The following GRIK2 variants were observed in gnomAD, a reference collection of about 807,000 sequenced individuals.
GRIK2 encodes glutamate receptor ionotropic, kainate 2.
A neutral mutation model predicts 100.3 loss-of-function variants in GRIK2; 32 were observed. The observed-to-expected ratio is 0.32, with a 90% CI of 0.24 to 0.43. The LOEUF is 0.43. GRIK2 is among the 20% of genes least tolerant of loss of function. GRIK2 has a pLI of 1.00. For missense variants in GRIK2, 843 were observed against 1,114.9 expected, an observed-to-expected ratio of 0.76 and a Z score of 3.47; for synonymous variants, 417 against 389.4, an observed-to-expected ratio of 1.07 and a Z score of -0.83.
chr6:102,011,746 G>A (rs1274616483), intron 14 of GRIK2, among the ~76,000 whole-genome samples: 1 of 151,442 alleles, frequency 6.6e-6, no homozygotes, highest in East Asian at 1.9e-4. Context: ...CACCACGCCC[G>A]GCTAATTTTT....
intron 9 of GRIK2, among the ~76,000 whole-genome samples, chr6:101,804,952 T>A (rs4840196): frequency 0.24 from 35,875 of 151,818 alleles, 5,418 homozygotes; most frequent in East Asian, 0.69. Flanking sequence ...TAGAATAGTT[T>A]ACAGCTCAAG....
At chr6:101,514,415 C>T (rs1200533565) in intron 2 of GRIK2, among the ~76,000 whole-genome samples, 7 of 151,942 alleles carry the variant, frequency 4.6e-5, no homozygotes, top group African/African-American at 1.4e-4. Flanking sequence ...GAGGCTCCCC[C>T]ATATGGAGAC....
At position 101,682,560 on chromosome 6, in the gene GRIK2, C is replaced by A; in HGVS notation, c.731C>A (p.Ala244Asp). The A allele has an allele frequency of 1.5e-6, 2 of 1,316,100 alleles. No homozygotes were observed. Among genetic ancestry groups the A allele is most frequent in the Admixed American group, 1.8e-5 (1 of 56,098 alleles). 81.5% of individuals were successfully genotyped at this position (1,316,100 alleles called of 1,614,324 possible). ...ATTTTTTTTTTTCCTTAGGCATTAGCTATGGGAATGATGACAGAATACTAT... is the reference window on the plus strand; with the variant it reads ...ATTTTTTTTTTTCCTTAGGCATTAGATATGGGAATGATGACAGAATACTAT... ...MAAGILKQAL[A>D]MGMMTEYYHY... Residue 244 changes from alanine (A) to aspartate (D), a missense_variant, in exon 6 of 17, where the codon GCT becomes GAT. Physicochemically the swap from Ala to Asp is moderately radical, Grantham distance 126. This residue lies in a region of GRIK2 where 519 missense variants were observed against 643.8 expected (regional missense o/e 0.81). Transcript: ENST00000369134.
At chr6:102,006,706 C>T (rs913843625) in intron 14 of GRIK2, among the ~76,000 whole-genome samples, 1 of 151,184 alleles carries the variant, frequency 6.6e-6, no homozygotes, top group Non-Finnish European at 1.5e-5. Context: ...CCTTATTAAG[C>T]CCCTTGACCC....
chr6:101,636,755 G>C (rs766723961), intron 4 of GRIK2, among the ~76,000 whole-genome samples: 19 of 151,402 alleles, frequency 1.3e-4, no homozygotes, highest in Admixed American at 3.3e-4. Flanking sequence ...TTGCATTTTG[G>C]GGGGGCGGGG....
At chr6:101,939,705 C>T (rs1467882735) in intron 14 of GRIK2, among the ~76,000 whole-genome samples, 2 of 152,050 alleles carry the variant, frequency 1.3e-5, no homozygotes, top group South Asian at 2.1e-4. Context: ...AAATCAACAT[C>T]GTGGGACTTT....
intron 14 of GRIK2, among the ~76,000 whole-genome samples, chr6:102,026,754 C>G (rs1433298588): frequency 6.6e-6 from 1 of 151,250 alleles, no homozygotes; most frequent in South Asian, 2.1e-4. Context: ...CATTGTCCTT[C>G]CCTTCAAATA....
intron 7 of GRIK2, among the ~76,000 whole-genome samples, chr6:101,794,958 C>T (rs367702942): frequency 7.9e-4 from 120 of 151,806 alleles, no homozygotes; most frequent in African/African-American, 2.4e-3. Context: ...TTCTGCCTCC[C>T]GGGTTCAAGC....
intron 7 of GRIK2, among the ~76,000 whole-genome samples, chr6:101,705,761 TAAG>T (rs914752828): frequency 6.6e-6 from 1 of 151,950 alleles, no homozygotes; most frequent in African/African-American, 2.4e-5. Flanking sequence ...TTAAGTGTGA[TAAG>T]AATATTTTGC....
At chr6:101,834,997 T>C (rs1005011687) in intron 10 of GRIK2, among the ~76,000 whole-genome samples, 2 of 152,150 alleles carry the variant, frequency 1.3e-5, no homozygotes, top group Admixed American at 6.5e-5. Flanking sequence ...AGTGAGACCC[T>C]GTCTCTAAAT....
chr6:101,975,833 A>ATCTATCTATCTATCTATCTATCTT (rs1793344593), intron 14 of GRIK2, among the ~76,000 whole-genome samples: 1 of 151,454 alleles, frequency 6.6e-6, no homozygotes, highest in African/African-American at 2.4e-5. Flanking sequence ...CTATCTATCT[A>ATCTATCTATCTATCTATCTATCTT]TCTATCTATC....
intron 2 of GRIK2, among the ~76,000 whole-genome samples, chr6:101,616,598 A>T (rs1351475606): frequency 6.6e-6 from 1 of 151,788 alleles, no homozygotes; most frequent in Non-Finnish European, 1.5e-5. Flanking sequence ...TTGTGTTCTT[A>T]TAAATAAAGA....
At chr6:101,757,210 A>G (rs1262393298) in intron 7 of GRIK2, among the ~76,000 whole-genome samples, 1 of 152,172 alleles carries the variant, frequency 6.6e-6, no homozygotes, top group Non-Finnish European at 1.5e-5. Flanking sequence ...TTATCTATCA[A>G]AAGAAAAATA....
intron 2 of GRIK2, among the ~76,000 whole-genome samples, chr6:101,417,997 T>C (rs1221819516): frequency 6.6e-6 from 1 of 152,244 alleles, no homozygotes; most frequent in Non-Finnish European, 1.5e-5. Context: ...CAACAGACTG[T>C]CTCTCAAATG....
At chr6:101,686,108 G>T in intron 6 of GRIK2, 72 bp from the exon 7 acceptor site, 1 of 1,279,606 alleles carries the variant, frequency 7.8e-7, no homozygotes, top group Non-Finnish European at 1.1e-6. Context: ...CAAAAAAAGT[G>T]ACTATTTCAG....
At position 101,490,451 on chromosome 6, in the gene GRIK2, G is replaced by A. The variant is rs1040201562; in HGVS notation, c.115+91059G>A. 3.5e-4 allele frequency among the ~76,000 whole-genome samples: 52 copies of A among 146,658 alleles called. 4 individuals are homozygous for A. The highest frequency in any genetic ancestry group is 1.3e-3 in the African/African-American group (51 of 38,522). On this transcript the variant is annotated intron_variant, in intron 2 of 16. Transcript: ENST00000369134. ...GAGTCTGAACCCATGAAGGGGTATA[G>A]TGCAGGCATGAATTGCCACAGGTGT...
intron 15 of GRIK2, among the ~76,000 whole-genome samples, chr6:102,044,291 G>A (rs899855822): frequency 6.6e-6 from 1 of 151,960 alleles, no homozygotes; most frequent in Non-Finnish European, 1.5e-5. Context: ...TTCTAGTGGT[G>A]CTCTCGAGCT....
intron 15 of GRIK2, among the ~76,000 whole-genome samples, chr6:102,050,433 C>CA (rs545199578): frequency 1.5e-3 from 226 of 152,050 alleles, no homozygotes; most frequent in Non-Finnish European, 2.8e-3. Flanking sequence ...GCGGGTGGAT[C>CA]ACGAGGTCAA....
intron 7 of GRIK2, among the ~76,000 whole-genome samples, chr6:101,771,524 T>TTTA (rs746340963): frequency 6.6e-6 from 1 of 151,224 alleles, no homozygotes; most frequent in African/African-American, 2.4e-5. Context: ...TTTATTTTTA[T>TTTA]TTATTATTAT....
Sources: allele counts gnomAD v4.1 joint callset (sites outside exome capture counted in the v4.1 genomes callset), GRCh38; gene constraint gnomAD v4.1.1; regional missense constraint gnomAD v4.1.1; transcripts MANE v1.5; gene names NCBI Gene and HGNC (gene_info 2026-07-23, HGNC 2026-07-21).